UNC13B: variants seen among roughly 807,000 people sequenced by gnomAD.
UNC13B encodes unc-13 homolog B, also known as protein unc-13 homolog B.
A neutral mutation model predicts 211.0 loss-of-function variants in UNC13B; 144 were observed. That is an observed-to-expected ratio of 0.68 (90% CI 0.60 to 0.78). The LOEUF (loss-of-function observed/expected upper bound fraction) is 0.78. Ranked by LOEUF, UNC13B falls within the 30% of genes least tolerant of loss-of-function variation. UNC13B has a pLI of 0.00. For synonymous variants in UNC13B, 709 were observed against 725.8 expected (o/e 0.98, Z 0.37); for missense variants, 1,777 against 2,002.0 (o/e 0.89, Z 2.14).
intron 1 of UNC13B, among the ~76,000 whole-genome samples, chr9:35,207,665 A>T (rs886293402): frequency 6.6e-6 from 1 of 151,898 alleles, no homozygotes; most frequent in Non-Finnish European, 1.5e-5. Flanking sequence ...TTCTTTGGGG[A>T]AATATTTATT....
intron 11 of UNC13B, among the ~76,000 whole-genome samples, chr9:35,344,749 T>C (rs970170130): frequency 6.6e-6 from 1 of 152,200 alleles, no homozygotes; most frequent in Non-Finnish European, 1.5e-5. Context: ...ATTCAAAGTA[T>C]AGAAAAGCAC....
At chr9:35,168,382 A>C (rs1344793150) in intron 1 of UNC13B, among the ~76,000 whole-genome samples, 1 of 152,170 alleles carries the variant, frequency 6.6e-6, no homozygotes. Flanking sequence ...GGTAGTTTTC[A>C]GTCCTTACCC....
rs999527592 is a variant in UNC13B at position 35,276,079 on chromosome 9, G to A, written c.526+17029G>A. ...CCAGCACTTTGGGAGGCTGAAGTGG[G>A]CAGGTTGTTTGAGCTCAGGAGTTCG... On this transcript the variant is annotated intron_variant, in intron 7 of 39. Coordinates refer to ENST00000635942, the MANE Select transcript of UNC13B (RefSeq NM_001371189.2). Among the ~76,000 whole-genome samples, 14 of 152,178 alleles carry A rather than the reference G, an allele frequency of 9.2e-5. No homozygotes were observed. The East Asian group carries it at 2.7e-3, about 29-fold the overall frequency.
At chr9:35,284,234 C>G (rs1011794098) in intron 7 of UNC13B, among the ~76,000 whole-genome samples, 3 of 152,084 alleles carry the variant, frequency 2.0e-5, no homozygotes, top group African/African-American at 4.8e-5. Context: ...TCACTGCACT[C>G]CAGCCTGGTT....
Position 35,241,144 on chromosome 9 carries a change from T to C in UNC13B, c.395-2147T>C, listed in dbSNP as rs1453325636. ...GGGCATGTCACTAAGTATTTACATATGTTAGCTCAGTAATCCTCATTTCAG... is the reference window on the plus strand; with the variant it reads ...GGGCATGTCACTAAGTATTTACATACGTTAGCTCAGTAATCCTCATTTCAG... On this transcript the variant is annotated intron_variant, in intron 5 of 39. Coordinates refer to ENST00000635942, the MANE Select transcript of UNC13B (RefSeq NM_001371189.2). Among the ~76,000 whole-genome samples, 7 of 152,052 alleles carry C rather than the reference T, an allele frequency of 4.6e-5. No individual in the cohort carries two copies. The East Asian group carries it at 1.3e-3, about 29-fold the overall frequency.
At chr9:35,219,224 A>G (rs889236883) in intron 1 of UNC13B, among the ~76,000 whole-genome samples, 9 of 152,132 alleles carry the variant, frequency 5.9e-5, no homozygotes, top group Non-Finnish European at 8.8e-5. Context: ...GAGAAACCTC[A>G]TTGGCAGTGG....
At chr9:35,254,661 T>C (rs1261279274) in intron 6 of UNC13B, among the ~76,000 whole-genome samples, 2 of 151,802 alleles carry the variant, frequency 1.3e-5, no homozygotes, top group Non-Finnish European at 2.9e-5. Flanking sequence ...AATTACATTT[T>C]CTAGTTGGTT....
chr9:35,271,554 A>G (rs549353491), intron 7 of UNC13B, among the ~76,000 whole-genome samples: 2 of 152,226 alleles, frequency 1.3e-5, no homozygotes, highest in African/African-American at 4.8e-5. Context: ...AGCTAGAGGG[A>G]TAAACTGGTC....
intron 11 of UNC13B, 136 bp from the exon 12 acceptor site, chr9:35,366,811 A>G: frequency 2.8e-6 from 2 of 709,062 alleles, no homozygotes; most frequent in African/African-American, 3.5e-5. Context: ...ATTGGTTTAG[A>G]TGTCAGACAG....
chr9:35,230,140 CAGGTT>C (rs1428935022), intron 2 of UNC13B, among the ~76,000 whole-genome samples: 1 of 152,144 alleles, frequency 6.6e-6, no homozygotes, highest in African/African-American at 2.4e-5. Context: ...ACTCAACTCT[CAGGTT>C]AGAGAATTTC....
intron 1 of UNC13B, among the ~76,000 whole-genome samples, chr9:35,188,820 A>T (rs4111859): frequency 0.82 from 125,062 of 152,168 alleles, 51,633 homozygotes; most frequent in East Asian, 0.98. Context: ...TGCATTAGTT[A>T]ATTAATGTTA....
At chr9:35,205,418 G>A (rs1298423705) in intron 1 of UNC13B, among the ~76,000 whole-genome samples, 1 of 152,102 alleles carries the variant, frequency 6.6e-6, no homozygotes. Flanking sequence ...TCCCTTTAAA[G>A]TATAAATCCA....
intron 11 of UNC13B, among the ~76,000 whole-genome samples, chr9:35,323,471 C>G (rs1267122836): frequency 6.6e-6 from 1 of 152,128 alleles, no homozygotes; most frequent in South Asian, 2.1e-4. Context: ...TTTGAGACCC[C>G]TCTTCAAACT....
At chr9:35,297,841 G>T (rs538262095) in intron 8 of UNC13B, among the ~76,000 whole-genome samples, 4 of 152,002 alleles carry the variant, frequency 2.6e-5, no homozygotes, top group African/African-American at 9.7e-5. Context: ...GAGCCACCGC[G>T]CCCGGCCCCT....
At chr9:35,396,407 CCTTGGGAAGG>C in intron 26 of UNC13B, 59 bp from the exon 27 acceptor site, 1 of 1,598,602 alleles carries the variant, frequency 6.3e-7, no homozygotes, top group African/African-American at 1.3e-5. Context: ...AGATCTGCTG[CCTTGGGAAGG>C]CTCAGGAACC....
intron 7 of UNC13B, among the ~76,000 whole-genome samples, chr9:35,265,986 G>C (rs151111519): frequency 3.3e-5 from 5 of 152,012 alleles, no homozygotes; most frequent in African/African-American, 1.2e-4. Context: ...CATCACACCC[G>C]GCTAATTTTT....
chr9:35,219,839 T>C (rs1824474112), intron 1 of UNC13B, among the ~76,000 whole-genome samples: 1 of 152,190 alleles, frequency 6.6e-6, no homozygotes, highest in South Asian at 2.1e-4. Context: ...GTAGTCACTC[T>C]CAAAGTTGGT....
intron 1 of UNC13B, among the ~76,000 whole-genome samples, chr9:35,220,253 T>G (rs1007774246): frequency 6.6e-6 from 1 of 151,370 alleles, no homozygotes; most frequent in Admixed American, 6.6e-5. Context: ...AAATGGGGTA[T>G]CTATCACCTC....
At chr9:35,253,724 G>GC (rs1826653095) in intron 6 of UNC13B, among the ~76,000 whole-genome samples, 1 of 152,154 alleles carries the variant, frequency 6.6e-6, no homozygotes, top group Admixed American at 6.5e-5. Context: ...CTACTCATGG[G>GC]CAATTAGGTT....
Sources: gnomAD v4.1 joint callset for allele counts (sites outside exome capture counted in the v4.1 genomes callset) on GRCh38, gnomAD v4.1.1 for gene constraint, MANE v1.5 for transcripts, NCBI Gene and HGNC (gene_info 2026-07-23, HGNC 2026-07-21) for gene names.